LDB2: variants seen among roughly 807,000 people sequenced by gnomAD.
LDB2 encodes the protein LIM domain binding 2, also known as LIM domain-binding protein 2.
In LDB2, 12 loss-of-function variants were observed where a neutral mutation model predicts 44.3. The observed-to-expected ratio is 0.27, with a 90% CI of 0.17 to 0.44. The LOEUF is 0.44. LDB2 is among the 20% of genes least tolerant of loss of function. LDB2 has a pLI of 1.00. For missense variants in LDB2, 344 were observed against 473.5 expected, an observed-to-expected ratio of 0.73 and a Z score of 2.54; for synonymous variants, 164 against 174.8, an observed-to-expected ratio of 0.94 and a Z score of 0.49.
intron 5 of LDB2, among the ~76,000 whole-genome samples, chr4:16,563,606 G>A (rs370888486): frequency 1.4e-3 from 215 of 149,498 alleles, no homozygotes; most frequent in African/African-American, 5.2e-3. Context: ...CCACCACCAC[G>A]CCTGGCTAAT....
At chr4:16,552,739 T>TCTACCA (rs1386958986) in intron 5 of LDB2, among the ~76,000 whole-genome samples, 3 of 152,220 alleles carry the variant, frequency 2.0e-5, no homozygotes, top group Non-Finnish European at 4.4e-5. Context: ...CAAATACCTT[T>TCTACCA]CTACCACAGA....
intron 2 of LDB2, among the ~76,000 whole-genome samples, chr4:16,734,307 C>T (rs982113453): frequency 3.3e-5 from 5 of 152,208 alleles, no homozygotes; most frequent in Admixed American, 3.3e-4. Flanking sequence ...GTATTTAATC[C>T]TGTTGATTAA....
chr4:16,866,942 G>A (rs139699950), intron 1 of LDB2, among the ~76,000 whole-genome samples: 349 of 151,398 alleles, frequency 2.3e-3, no homozygotes, highest in Non-Finnish European at 3.7e-3. Flanking sequence ...GGGTATAGGA[G>A]GCTCTGTTTC....
chr4:16,563,067 G>T (rs1743009696), intron 5 of LDB2, among the ~76,000 whole-genome samples: 1 of 151,920 alleles, frequency 6.6e-6, no homozygotes, highest in African/African-American at 2.4e-5. Context: ...GGACTGTTGT[G>T]GGGTGGGGGG....
chr4:16,586,188 T>A (rs1716730164), intron 4 of LDB2, among the ~76,000 whole-genome samples, 183 bp from the exon 5 acceptor site: 1 of 152,144 alleles, frequency 6.6e-6, no homozygotes, highest in South Asian at 2.1e-4. Flanking sequence ...CTCAAGGACA[T>A]TTTCAGATCA....
rs559119712 is a variant in LDB2 at position 16,891,304 on chromosome 4, CTTTTTTTTTTTTT to C, written c.132+7037_132+7049del. 1.8e-4 allele frequency among the ~76,000 whole-genome samples: 14 copies of C among 77,548 alleles called. No individual in the cohort carries two copies. In the East Asian group the frequency reaches 2.0e-3, roughly 11 times the overall value. The allele number at this position is 77,548 out of a possible 152,430, so 50.9% of individuals were successfully genotyped here. A position where few individuals can be genotyped will look rare whatever the true frequency, so the allele number is the denominator to read the frequency against. On this transcript the variant is annotated intron_variant, in intron 1 of 7. Coordinates refer to ENST00000304523, the MANE Select transcript of LDB2 (RefSeq NM_001290.5). ...AGATAAAGTGGGAATCTTAAGTATT[CTTTTTTTTTTTTT>C]TTTTTTTTTTTTTGAGATGGAGTCT...
At chr4:16,692,045 C>T (rs1277494532) in intron 2 of LDB2, among the ~76,000 whole-genome samples, 2 of 152,058 alleles carry the variant, frequency 1.3e-5, no homozygotes, top group Non-Finnish European at 2.9e-5. Context: ...TGGTGACATC[C>T]TGAGAACCAC....
intron 1 of LDB2, among the ~76,000 whole-genome samples, chr4:16,766,937 C>G (rs909634903): frequency 6.6e-6 from 1 of 152,106 alleles, no homozygotes; most frequent in African/African-American, 2.4e-5. Flanking sequence ...TTGGTCATCC[C>G]AACAATGCTG....
intron 2 of LDB2, among the ~76,000 whole-genome samples, chr4:16,717,797 T>C (rs769379341): frequency 3.3e-5 from 5 of 152,148 alleles, no homozygotes; most frequent in Admixed American, 6.5e-5. Flanking sequence ...CTGAAAGTGG[T>C]AATGGGGGCT....
chr4:16,881,619 T>C (rs1720143757), intron 1 of LDB2, among the ~76,000 whole-genome samples: 2 of 150,812 alleles, frequency 1.3e-5, no homozygotes, highest in Admixed American at 1.3e-4. Flanking sequence ...TTTTTTTTTT[T>C]AAGATTGACT....
At chr4:16,540,375 T>A (rs180713012) in intron 5 of LDB2, among the ~76,000 whole-genome samples, 6 of 152,150 alleles carry the variant, frequency 3.9e-5, no homozygotes, top group Non-Finnish European at 8.8e-5. Flanking sequence ...AACCTAAGCC[T>A]GACTTTACAA....
At chr4:16,732,629 A>G (rs141000930) in intron 2 of LDB2, among the ~76,000 whole-genome samples, 224 of 152,344 alleles carry the variant, frequency 1.5e-3, no homozygotes, top group African/African-American at 5.1e-3. Context: ...CTATAGTTCT[A>G]TATAGAACTC....
intron 5 of LDB2, among the ~76,000 whole-genome samples, chr4:16,520,364 A>G (rs1298337617): frequency 1.3e-5 from 2 of 152,152 alleles, no homozygotes; most frequent in African/African-American, 4.8e-5. Context: ...ACAGGCATCC[A>G]CATGACTAAA....
At position 16,587,336 on chromosome 4, in the gene LDB2, C is replaced by T. The variant is rs1717350577; in HGVS notation, c.532-1331G>A. ...GTCTGAAACATGCTTTATTACTGTA[C>T]CCATCTTATAGATGAGGGACTACAA... On this transcript the variant is annotated intron_variant, in intron 4 of 7. Coordinates refer to ENST00000304523, the MANE Select transcript of LDB2 (RefSeq NM_001290.5). Among the ~76,000 whole-genome samples, 6 of 152,270 alleles carry T rather than the reference C, an allele frequency of 3.9e-5. No homozygotes were observed. The South Asian group carries it at 1.2e-3, about 32-fold the overall frequency.
At chr4:16,733,309 T>A (rs1263844761) in intron 2 of LDB2, among the ~76,000 whole-genome samples, 1 of 151,618 alleles carries the variant, frequency 6.6e-6, no homozygotes. Flanking sequence ...GTGAGCAGGA[T>A]AATTGGAATA....
chr4:16,532,081 G>A (rs1376777500), intron 5 of LDB2, among the ~76,000 whole-genome samples: 1 of 150,560 alleles, frequency 6.6e-6, no homozygotes, highest in African/African-American at 2.4e-5. Flanking sequence ...TAGGATTTGG[G>A]CCGGGGGAGG....
chr4:16,563,876 AG>A (rs1743503140), intron 5 of LDB2, among the ~76,000 whole-genome samples: 1 of 152,122 alleles, frequency 6.6e-6, no homozygotes, highest in Non-Finnish European at 1.5e-5. Context: ...GTTCTTTTAG[AG>A]GATCCACAGA....
rs556083180 is a variant in LDB2 at position 16,773,398 on chromosome 4, G to T, written c.133-14138C>A. ...TCACCATAATGTAGAATCAGTGGGAGCCCTGAGCTTGTTTTCCTGCAATTA... is the reference window on the plus strand; with the variant it reads ...TCACCATAATGTAGAATCAGTGGGATCCCTGAGCTTGTTTTCCTGCAATTA... On this transcript the variant is annotated intron_variant, in intron 1 of 7. Transcript: ENST00000304523. Among the ~76,000 whole-genome samples, 5 of 152,216 alleles carry T rather than the reference G, an allele frequency of 3.3e-5. No homozygotes were observed. In the South Asian group the frequency reaches 1.0e-3, roughly 32 times the overall value.
At chr4:16,759,421 A>G (rs1767399049) in intron 1 of LDB2, 161 bp from the exon 2 acceptor site, 1 of 583,786 alleles carries the variant, frequency 1.7e-6, no homozygotes, top group African/African-American at 1.9e-5. Flanking sequence ...TCACTCTTCA[A>G]ATTAATTGCC....
Sources: allele counts gnomAD v4.1 joint callset (sites outside exome capture counted in the v4.1 genomes callset), GRCh38; gene constraint gnomAD v4.1.1; transcripts MANE v1.5; gene names NCBI Gene and HGNC (gene_info 2026-07-23, HGNC 2026-07-21).